GNPNAT1: variants seen among roughly 807,000 people sequenced by gnomAD.
GNPNAT1 encodes glucosamine-phosphate N-acetyltransferase 1, also known as glucosamine 6-phosphate N-acetyltransferase.
A neutral mutation model predicts 19.8 loss-of-function variants in GNPNAT1; 11 were observed. The observed-to-expected ratio is 0.56, with a 90% CI of 0.35 to 0.92. The LOEUF is 0.92. Ranked by LOEUF, GNPNAT1 falls within the 40% of genes least tolerant of loss-of-function variation. The pLI is 0.01. For missense variants in GNPNAT1, 157 were observed against 211.0 expected, an observed-to-expected ratio of 0.74 and a Z score of 1.59; for synonymous variants, 71 against 72.3, an observed-to-expected ratio of 0.98 and a Z score of 0.09.
At chr14:52,789,986 CAAAAAAAA>C (rs200756037) in intron 1 of GNPNAT1, among the ~76,000 whole-genome samples, 13,082 of 107,282 alleles carry the variant, frequency 0.12, 599 homozygotes, top group South Asian at 0.19. Context: ...TCCAGAAGGA[CAAAAAAAA>C]AAAAAAAAAA....
At chr14:52,781,657 AAC>A in intron 4 of GNPNAT1, 125 bp downstream of exon 4, 1 of 838,506 alleles carries the variant, frequency 1.2e-6, no homozygotes. Flanking sequence ...AAGCTCTCAG[AAC>A]ACACTGGGAA....
intron 1 of GNPNAT1, chr14:52,787,694 C>T (rs1215562856): frequency 2.0e-5 from 3 of 152,058 alleles, no homozygotes; most frequent in Non-Finnish European, 2.9e-5. Flanking sequence ...GATGAAATTA[C>T]TGGGAGAATT....
At position 52,784,510 on chromosome 14, in the gene GNPNAT1, A is replaced by C; in HGVS notation, c.141T>G (p.Ala47=). The C allele has an allele frequency of 6.3e-7, 1 of 1,578,930 alleles. No individual in the cohort carries two copies. Among genetic ancestry groups the C allele is most frequent in the Non-Finnish European group, 8.6e-7 (1 of 1,168,608 alleles). Residue 47 remains alanine (A), a synonymous_variant, in exon 2 of 6, where the codon GCT becomes GCG. Coordinates refer to ENST00000216410, the MANE Select transcript of GNPNAT1 (RefSeq NM_198066.4). The part of the protein sequence containing the change: ...EGLVLRPLCT[A]DLNRGFFKVL... ...TTTGTACATTACCTCTATTTAAGTC[A>C]GCAGTACAAAGAGGCCTCAAAACCA...
In GNPNAT1 at chr14:52,782,242, AATAG is replaced by A. The variant is rs202115643; in HGVS notation, c.218-335_218-332del. On this transcript the variant is annotated intron_variant, in intron 3 of 5. Transcript: ENST00000216410. ...AACTTCAATTTCTTCATTTACTTTA[AATAG>A]ATCTCTTTAACTTTTATACTCAATA... is the stretch of plus-strand genomic sequence containing the variant. Among the ~76,000 whole-genome samples, 785 of 152,242 alleles carry A rather than the reference AATAG, an allele frequency of 5.2e-3. 5 individuals carry two copies. The highest frequency in any genetic ancestry group is 0.045 in the East Asian group (234 of 5,190).
chr14:52,788,782 G>C (rs1013546106), intron 1 of GNPNAT1, among the ~76,000 whole-genome samples: 3 of 152,058 alleles, frequency 2.0e-5, no homozygotes, highest in Non-Finnish European at 4.4e-5. Context: ...TAAAAATGTG[G>C]TCTAGAAAAC....
At chr14:52,782,471 G>A (rs1387419698) in intron 3 of GNPNAT1, among the ~76,000 whole-genome samples, 1 of 152,076 alleles carries the variant, frequency 6.6e-6, no homozygotes, top group Non-Finnish European at 1.5e-5. Flanking sequence ...AAACATATCT[G>A]TTTCCAAGTA....
At chr14:52,786,084 A>G (rs117400647) in intron 1 of GNPNAT1, among the ~76,000 whole-genome samples, 1,676 of 143,622 alleles carry the variant, frequency 0.012, 93 homozygotes, top group Admixed American at 0.097. Context: ...TCAATGAACC[A>G]TGAATAGAAG....
intron 5 of GNPNAT1, among the ~76,000 whole-genome samples, chr14:52,780,343 T>C (rs1007729601): frequency 2.0e-5 from 3 of 152,164 alleles, no homozygotes; most frequent in Non-Finnish European, 4.4e-5. Context: ...TATTCTGTAA[T>C]AGTTGAACAT....
intron 5 of GNPNAT1, among the ~76,000 whole-genome samples, chr14:52,779,752 A>G (rs1395266256): frequency 7.0e-6 from 1 of 143,708 alleles, no homozygotes; most frequent in Non-Finnish European, 1.5e-5. Flanking sequence ...AAAAAAAAAC[A>G]TAAATTATAT....
chr14:52,777,427 C>T lies in GNPNAT1; in HGVS notation c.*884G>A, dbSNP rs1882762316. 1 of 152,058 alleles carries T rather than the reference C, an allele frequency of 6.6e-6. No individual in the cohort carries two copies. Among genetic ancestry groups the T allele is most frequent in the African/African-American group, 2.4e-5 (1 of 41,378 alleles). 9.4% of individuals were successfully genotyped at this position (152,058 alleles called of 1,614,324 possible). ...TTCCATTAACATTTTATGAATTTGG[C>T]AATCTAGTACAATACATTAAGTATT... On this transcript the variant is annotated 3_prime_UTR_variant, in exon 6 of 6. Transcript: ENST00000216410.
chr14:52,779,629 A>G (rs1882832715), intron 5 of GNPNAT1, among the ~76,000 whole-genome samples: 2 of 141,584 alleles, frequency 1.4e-5, no homozygotes, highest in African/African-American at 5.2e-5. Flanking sequence ...CTGAGGCGAG[A>G]GGCTCACTTG....
At chr14:52,787,411 C>T (rs2139973215) in intron 1 of GNPNAT1, among the ~76,000 whole-genome samples, 1 of 152,256 alleles carries the variant, frequency 6.6e-6, no homozygotes, top group Non-Finnish European at 1.5e-5. Context: ...ACTTGCTCAG[C>T]ACTTCTTATG....
Position 52,776,341 on chromosome 14 carries a change from A to G in GNPNAT1, c.*1970T>C, listed in dbSNP as rs544183938. On this transcript the variant is annotated 3_prime_UTR_variant, in exon 6 of 6. Coordinates refer to ENST00000216410, the MANE Select transcript of GNPNAT1 (RefSeq NM_198066.4). ...GCTTCAAAAATCATAAACATACTCA[A>G]CTAAAATTACAGATCACCATTGTCC... 6.6e-6 allele frequency: 1 copy of G among 152,206 alleles called. No individual in the cohort carries two copies. Among genetic ancestry groups the G allele is most frequent in the Non-Finnish European group, 1.5e-5 (1 of 68,038 alleles). The allele number at this position is 152,206 out of a possible 1,614,324, so 9.4% of individuals were successfully genotyped here. A position where few individuals can be genotyped will look rare whatever the true frequency, so the allele number is the denominator to read the frequency against.
rs376927301 is a variant in GNPNAT1 at position 52,780,634 on chromosome 14, T to G, written c.407+45A>C. On this transcript the variant is annotated intron_variant, in intron 5 of 5. Transcript: ENST00000216410. ...ACAAGTATCTTGTTAAGAAACTAAATTGGAACAAAATTTATCCAGGGTTAC... is the reference window on the plus strand; with the variant it reads ...ACAAGTATCTTGTTAAGAAACTAAAGTGGAACAAAATTTATCCAGGGTTAC... 5.5e-4 allele frequency: 711 copies of G among 1,289,440 alleles called. 1 individual carries two copies. Among genetic ancestry groups the G allele is most frequent in the Non-Finnish European group, 3.1e-4 (275 of 889,868 alleles). 79.9% of individuals were successfully genotyped at this position (1,289,440 alleles called of 1,614,324 possible). A position where few individuals can be genotyped will look rare whatever the true frequency, so the allele number is the denominator to read the frequency against.
At chr14:52,781,951 T>G (rs761829149) in intron 3 of GNPNAT1, 40 bp from the exon 4 acceptor site, 4 of 1,535,458 alleles carry the variant, frequency 2.6e-6, no homozygotes, top group African/African-American at 2.8e-5. Context: ...TAGTAGACAT[T>G]CAATTTTATG....
Position 52,778,448 on chromosome 14 carries a change from T to C in GNPNAT1, c.418A>G (p.Thr140Ala), listed in dbSNP as rs141803773. 8.1e-6 allele frequency: 13 copies of C among 1,605,100 alleles called. No homozygotes were observed. Among genetic ancestry groups the C allele is most frequent in the Non-Finnish European group, 1.0e-5 (12 of 1,177,390 alleles). The change falls in exon 6 of 6, where the codon ACC becomes GCC. Residue 140 changes from threonine (T) to alanine (A), a missense_variant. By Grantham distance (58) the Thr-to-Ala change is moderately conservative. Transcript: ENST00000216410. Reference sequence around the variant, plus strand: ...AGTTTCTTGCTTAGCAAAGTAAGGGTTGATAATAACCTGAAATTTAAAAAG... The same window carrying C: ...AGTTTCTTGCTTAGCAAAGTAAGGGCTGATAATAACCTGAAATTTAAAAAG... ...GKQLGKLLLS[T>A]LTLLSKKLNC...
At chr14:52,779,951 C>G (rs1339779897) in intron 5 of GNPNAT1, among the ~76,000 whole-genome samples, 1 of 151,950 alleles carries the variant, frequency 6.6e-6, no homozygotes, top group African/African-American at 2.4e-5. Flanking sequence ...CTTTGGGAGG[C>G]CAAGGCAGGA....
At chr14:52,778,500 T>C in intron 5 of GNPNAT1, 42 bp from the exon 6 acceptor site, 2 of 1,496,918 alleles carry the variant, frequency 1.3e-6, no homozygotes, top group Non-Finnish European at 1.8e-6. Flanking sequence ...ATAGCATTTA[T>C]TAATAAAAAT....
At chr14:52,779,988 C>CATGATGAGG (rs1882850398) in intron 5 of GNPNAT1, among the ~76,000 whole-genome samples, 1 of 151,968 alleles carries the variant, frequency 6.6e-6, no homozygotes, top group South Asian at 2.1e-4. Flanking sequence ...GCCTGAGCAA[C>CATGATGAGG]ATGATGAGGC....
Sources: gnomAD v4.1 joint callset for allele counts (sites outside exome capture counted in the v4.1 genomes callset) on GRCh38, gnomAD v4.1.1 for gene constraint, MANE v1.5 for transcripts, NCBI Gene and HGNC (gene_info 2026-07-23, HGNC 2026-07-21) for gene names.